PLEKHH1: variants seen among roughly 807,000 people sequenced by gnomAD.
The protein encoded by PLEKHH1 is pleckstrin homology, MyTH4 and FERM domain containing H1.
In PLEKHH1, 104 loss-of-function variants were observed where a neutral mutation model predicts 160.0. That is an observed-to-expected ratio of 0.65 (90% confidence interval 0.55 to 0.76). The LOEUF is 0.76. Ranked by LOEUF, PLEKHH1 falls within the 30% of genes least tolerant of loss-of-function variation. The pLI, the probability that PLEKHH1 is intolerant of heterozygous loss-of-function variation, is 0.00. For synonymous variants in PLEKHH1, 619 were observed against 678.4 expected (o/e 0.91, Z 1.36); for missense variants, 1,427 against 1,724.1 (o/e 0.83, Z 3.05).
chr14:67,563,001 C>A, intron 7 of PLEKHH1, 107 bp downstream of exon 7: 1 of 1,174,780 alleles, frequency 8.5e-7, no homozygotes, highest in Non-Finnish European at 1.2e-6. Flanking sequence ...CTGGCATCCT[C>A]ATGGTGGCCC....
Position 67,576,491 on chromosome 14 carries a change from G to A in PLEKHH1, c.2449G>A (p.Glu817Lys). 1 of 1,572,618 alleles carries A rather than the reference G, an allele frequency of 6.4e-7. No individual in the cohort carries two copies. Among genetic ancestry groups the A allele is most frequent in the Non-Finnish European group, 8.8e-7 (1 of 1,142,266 alleles). The stretch of plus-strand genomic sequence containing the variant: ...GCTCATTGGAAAACTGATGGATGGT[G>A]AAGGAGATCCAGGTAAGGCAAGGGT... ...EQLIGKLMDG[E>K]GDPDSPLWRH... The change falls in exon 17 of 29, where the codon GAA becomes AAA. Residue 817 changes from glutamate (E) to lysine (K), a missense_variant. Glu to Lys is a moderately conservative substitution (Grantham distance 56, BLOSUM62 1). Coordinates refer to ENST00000329153, the MANE Select transcript of PLEKHH1 (RefSeq NM_020715.3). This position sits in a 1 kb window ranked among gnomAD's most constrained non-coding sequence, Gnocchi z 4.0.
rs1262261844 is a variant in PLEKHH1, at chr14:67,587,604, G to A, written c.*369G>A. 1.1e-5 allele frequency: 3 copies of A among 280,660 alleles called. No homozygotes were observed. Among genetic ancestry groups the A allele is most frequent in the African/African-American group, 2.3e-5 (1 of 43,882 alleles). The allele number at this position is 280,660 out of a possible 1,614,324, so 17.4% of individuals were successfully genotyped here. On this transcript the variant is annotated 3_prime_UTR_variant, in exon 29 of 29. Transcript: ENST00000329153. ...GAAGCTAATTTTCTTTCTGGGGGGG[G>A]CGGGGGACACAGTGTCACTATGTCA...
chr14:67,577,936 T>C (rs2035699980), intron 18 of PLEKHH1, 87 bp from the exon 19 acceptor site: 5 of 1,257,666 alleles, frequency 4.0e-6, no homozygotes, highest in Non-Finnish European at 5.7e-6. Context: ...CTAACCTCCC[T>C]GGAGCCCTTG....
At chr14:67,547,588 C>T (rs960866043) in intron 2 of PLEKHH1, among the ~76,000 whole-genome samples, 4 of 152,100 alleles carry the variant, frequency 2.6e-5, no homozygotes, top group Middle Eastern at 3.2e-3. Flanking sequence ...CCCAGCTGGC[C>T]CTGGGACATT....
In PLEKHH1 at chr14:67,574,365, G is replaced by T. The variant is rs768378485; in HGVS notation, c.2050G>T (p.Gly684Cys). 2.5e-6 allele frequency: 4 copies of T among 1,592,658 alleles called. No homozygotes were observed. Among genetic ancestry groups the T allele is most frequent in the Non-Finnish European group, 3.4e-6 (4 of 1,169,538 alleles). Reference protein sequence around the residue: ...QATGPPALLRGGTKPTVKGWL... With the variant: ...QATGPPALLRCGTKPTVKGWL... ...CACCGGGCCTCCAGCTCTGCTTCGG[G>T]GTGGCACCAAGCCCACCGTGAAGGG... The change falls in exon 14 of 29, where the codon GGT (glycine) becomes TGT (cysteine). Residue 684 changes from glycine to cysteine, a missense_variant. Coordinates refer to ENST00000329153, the MANE Select transcript of PLEKHH1 (RefSeq NM_020715.3). The surrounding 1 kb of genome is among the most constrained non-coding windows in gnomAD (Gnocchi z 4.2).
rs549102552 is a variant in PLEKHH1, at chr14:67,576,662, C to G, written c.2461+159C>G. 6.6e-6 allele frequency among the ~76,000 whole-genome samples: 1 copy of G among 152,300 alleles called. No individual in the cohort carries two copies. The highest frequency in any genetic ancestry group is 1.9e-4 in the East Asian group (1 of 5,180). ...CATCCAAGCTCCAGGGCCCCTCTGT[C>G]TCCGGCTGAGATACTAAGGTGACCA... On this transcript the variant is annotated intron_variant, in intron 17 of 28. Coordinates refer to ENST00000329153, the MANE Select transcript of PLEKHH1 (RefSeq NM_020715.3). This position sits in a 1 kb window ranked among gnomAD's most constrained non-coding sequence, Gnocchi z 4.0.
chr14:67,570,365 C>T (rs774380860), intron 9 of PLEKHH1: 25 of 876,096 alleles, frequency 2.9e-5, no homozygotes, highest in African/African-American at 1.6e-4. Context: ...ATTCCCGTAA[C>T]GTCACTACAT....
At chr14:67,561,452 GAGGTGGGAGGCTA>G (rs2034832382) in intron 5 of PLEKHH1, among the ~76,000 whole-genome samples, 8 of 152,234 alleles carry the variant, frequency 5.3e-5, no homozygotes. Flanking sequence ...TCGGGAGGCT[GAGGTGGGAGGCTA>G]AGGTGGGAGG....
Position 67,582,299 on chromosome 14 carries a change from G to C in PLEKHH1, c.3426+89G>C. On this transcript the variant is annotated intron_variant, in intron 24 of 28. Transcript: ENST00000329153. This position sits in a 1 kb window ranked among gnomAD's most constrained non-coding sequence, Gnocchi z 5.0. ...CCTGAAACACAGGAGAGATTCTGCA[G>C]ATCCTGTGGTGCTCAGGAGAGGGCA... 1 of 1,595,270 alleles carries C rather than the reference G, an allele frequency of 6.3e-7. No individual in the cohort carries two copies. The highest frequency in any genetic ancestry group is 8.5e-7 in the Non-Finnish European group (1 of 1,171,158).
rs2035612119 is a variant in PLEKHH1 at position 67,576,059 on chromosome 14, T to C, written c.2352+54T>C. 2 of 1,371,902 alleles carry C rather than the reference T, an allele frequency of 1.5e-6. No homozygotes were observed. Among genetic ancestry groups the C allele is most frequent in the Admixed American group, 4.3e-5 (2 of 46,754 alleles). The allele number at this position is 1,371,902 out of a possible 1,614,324, so 85.0% of individuals were successfully genotyped here. ...CAAGCTTGGACCTGTGATTCTGATC[T>C]TCCCTTCTCTCTTTCTCCTGAGCTT... On this transcript the variant is annotated intron_variant, in intron 16 of 28. Coordinates refer to ENST00000329153, the MANE Select transcript of PLEKHH1 (RefSeq NM_020715.3). This position sits in a 1 kb window ranked among gnomAD's most constrained non-coding sequence, Gnocchi z 4.0.
In PLEKHH1 at chr14:67,578,593, G is replaced by A; in HGVS notation, c.2811G>A (p.Trp937Ter). 6.2e-7 allele frequency: 1 copy of A among 1,611,874 alleles called. No individual in the cohort carries two copies. Among genetic ancestry groups the A allele is most frequent in the Non-Finnish European group, 8.5e-7 (1 of 1,179,096 alleles). The change falls in exon 20 of 29, where the codon TGG (tryptophan) becomes TGA (stop). Residue 937 changes from tryptophan to a stop codon, truncating the protein, a stop_gained. Transcript: ENST00000329153. LOFTEE classifies it high-confidence loss of function. This position sits in a 1 kb window ranked among gnomAD's most constrained non-coding sequence, Gnocchi z 5.0. ...PLFLPQHHFLWYVKQQLQRHA... is the reference protein window; with the variant it reads ...PLFLPQHHFL ...TCCTGCCTCAGCATCACTTCCTCTG[G>A]TATGTCAAGCAGCAGCTCCAACGCC...
At chr14:67,535,412 G>C (rs913074905) in intron 1 of PLEKHH1, among the ~76,000 whole-genome samples, 1 of 112,706 alleles carries the variant, frequency 8.9e-6, no homozygotes, top group Admixed American at 1.4e-4. Flanking sequence ...CCAGAGTCTC[G>C]CTCTGTTGCC....
At chr14:67,537,612 A>G (rs1271343975) in intron 1 of PLEKHH1, among the ~76,000 whole-genome samples, 1 of 151,576 alleles carries the variant, frequency 6.6e-6, no homozygotes, top group Non-Finnish European at 1.5e-5. Flanking sequence ...GCTTCAGTGA[A>G]CCATGATTGT....
Position 67,578,533 on chromosome 14 carries a change from G to A in PLEKHH1, c.2752-1G>A. 6.2e-7 allele frequency: 1 copy of A among 1,605,978 alleles called. No homozygotes were observed. The highest frequency in any genetic ancestry group is 8.5e-7 in the Non-Finnish European group (1 of 1,175,630). On this transcript the variant is annotated splice_acceptor_variant, in intron 19 of 28. Transcript: ENST00000329153. LOFTEE classifies it high-confidence loss of function. The surrounding 1 kb of genome is among the most constrained non-coding windows in gnomAD (Gnocchi z 5.0). Reference sequence around the variant, plus strand: ...CCCCACGCTGTCTGTGTCCCTGGCAGTGCTGGCAGCTCCTCGCTCTGTGTG... The same window carrying A: ...CCCCACGCTGTCTGTGTCCCTGGCAATGCTGGCAGCTCCTCGCTCTGTGTG...
chr14:67,579,130 T>G lies in PLEKHH1; in HGVS notation c.2850-4T>G. Reference sequence around the variant, plus strand: ...CATAATACTCCCCTCTTCCGTCTTTTTAGAAGTGAAACTGGCCAGTATGCC... The same window carrying G: ...CATAATACTCCCCTCTTCCGTCTTTGTAGAAGTGAAACTGGCCAGTATGCC... On this transcript the variant is annotated splice_region_variant and splice_polypyrimidine_tract_variant and intron_variant, in intron 20 of 28. Transcript: ENST00000329153. 1 of 1,504,840 alleles carries G rather than the reference T, an allele frequency of 6.6e-7. No individual in the cohort carries two copies. The highest frequency in any genetic ancestry group is 9.1e-7 in the Non-Finnish European group (1 of 1,103,768). 93.2% of individuals were successfully genotyped at this position (1,504,840 alleles called of 1,614,324 possible).
In PLEKHH1 at chr14:67,557,807, C is replaced by T. The variant is rs1486417450; in HGVS notation, c.339+389C>T. 4.6e-5 allele frequency among the ~76,000 whole-genome samples: 7 copies of T among 152,340 alleles called. No homozygotes were observed. The East Asian group carries it at 1.3e-3, about 29-fold the overall frequency. On this transcript the variant is annotated intron_variant, in intron 4 of 28. Transcript: ENST00000329153. ...TATGTGACCTGTGCCTAGTGTCAGG[C>T]ACGTGGTCAGTACTTGGTAAGGAGA... is the stretch of plus-strand genomic sequence containing the variant.
In PLEKHH1 at chr14:67,562,340, G is replaced by A; in HGVS notation, c.709G>A (p.Glu237Lys). ...TGTTTCTGAAGCAGCAAGCCCCTTGGAGGATTCTAGTTCCAGCACGGTCCA... is the reference window on the plus strand; with the variant it reads ...TGTTTCTGAAGCAGCAAGCCCCTTGAAGGATTCTAGTTCCAGCACGGTCCA... ...DSVSEAASPL[E>K]DSSSSTVHSG... The change falls in exon 7 of 29, where the codon GAG becomes AAG. Residue 237 changes from glutamate to lysine, a missense_variant. By Grantham distance (56) the Glu-to-Lys change is moderately conservative. Around this residue, in one of 6 missense-constraint regions of PLEKHH1, gnomAD observed 831 missense variants for 929.2 expected, o/e 0.89. Coordinates refer to ENST00000329153, the MANE Select transcript of PLEKHH1 (RefSeq NM_020715.3). 6.2e-7 allele frequency: 1 copy of A among 1,613,980 alleles called. No individual in the cohort carries two copies. The highest frequency in any genetic ancestry group is 1.3e-5 in the African/African-American group (1 of 75,056).
In PLEKHH1 at chr14:67,579,138, G is replaced by C; in HGVS notation, c.2854G>C (p.Glu952Gln). Residue 952 changes from glutamate to glutamine, a missense_variant, in exon 21 of 29, where the codon GAA becomes CAA. By Grantham distance (29) the Glu-to-Gln change is conservative. Around this residue, in one of 6 missense-constraint regions of PLEKHH1, gnomAD observed 436 missense variants for 607.5 expected, o/e 0.72. Transcript: ENST00000329153. ...QLQRHADPRSETGQYATYCQR... is the reference protein window; with the variant it reads ...QLQRHADPRSQTGQYATYCQR... ...TCCCCTCTTCCGTCTTTTTAGAAGTGAAACTGGCCAGTATGCCACCTACTG... is the reference window on the plus strand; with the variant it reads ...TCCCCTCTTCCGTCTTTTTAGAAGTCAAACTGGCCAGTATGCCACCTACTG... The C allele has an allele frequency of 6.2e-7, 1 of 1,603,708 alleles. No individual in the cohort carries two copies. The highest frequency in any genetic ancestry group is 8.5e-7 in the Non-Finnish European group (1 of 1,176,218).
At chr14:67,570,354 T>C (rs547176529) in intron 9 of PLEKHH1, 64 of 962,288 alleles carry the variant, frequency 6.7e-5, no homozygotes, top group Non-Finnish European at 7.9e-5. Context: ...TTCCAACTTA[T>C]ATTCCCGTAA....
Sources: allele counts gnomAD v4.1 joint callset (sites outside exome capture counted in the v4.1 genomes callset), GRCh38; gene constraint gnomAD v4.1.1; regional missense constraint gnomAD v4.1.1; non-coding constraint Gnocchi (gnomAD v3.1); transcripts MANE v1.5; gene names NCBI Gene and HGNC (gene_info 2026-07-23, HGNC 2026-07-21).